Variants in EXOC6 observed in about 807,000 individuals in gnomAD.
The protein encoded by EXOC6 is exocyst complex component 6.
Under a neutral mutation model 112.5 loss-of-function variants are expected in EXOC6, and 60 were observed. The ratio of observed to expected loss-of-function variants is 0.53; its 90% CI spans 0.43 to 0.66. EXOC6 has a LOEUF of 0.66. Among genes scored for constraint, EXOC6 ranks in the 30% least tolerant of loss-of-function variants. EXOC6 has a pLI of 0.00. For synonymous variants in EXOC6, 295 were observed against 308.0 expected (o/e 0.96, Z 0.44); for missense variants, 855 against 957.1 (o/e 0.89, Z 1.41).
At chr10:92,846,775 CAT>C (rs1847066912), upstream of EXOC6, among the ~76,000 whole-genome samples, 3 of 152,150 alleles carry the variant, frequency 2.0e-5, no homozygotes, top group South Asian at 6.2e-4. Flanking sequence ...GGAACCTGTG[CAT>C]ATGTTATTTT....
chr10:92,986,778 A>G (rs1299988828), intron 18 of EXOC6, among the ~76,000 whole-genome samples: 1 of 150,828 alleles, frequency 6.6e-6, no homozygotes, highest in Non-Finnish European at 1.5e-5. Flanking sequence ...TACTTTAAGG[A>G]TAGTTTAATT....
At chr10:92,856,729 C>T (rs1847619738) in intron 1 of EXOC6, among the ~76,000 whole-genome samples, 1 of 152,144 alleles carries the variant, frequency 6.6e-6, no homozygotes, top group Non-Finnish European at 1.5e-5. Context: ...TTGTTCACGT[C>T]TCCTATTCCC....
chr10:92,907,825 T>C (rs1850528329), intron 5 of EXOC6, among the ~76,000 whole-genome samples: 1 of 152,154 alleles, frequency 6.6e-6, no homozygotes, highest in Admixed American at 6.5e-5. Context: ...ATCAAAATTA[T>C]TGTAATGACA....
chr10:92,881,317 T>C (rs1341353452), intron 1 of EXOC6, among the ~76,000 whole-genome samples: 1 of 152,196 alleles, frequency 6.6e-6, no homozygotes, highest in Non-Finnish European at 1.5e-5. Flanking sequence ...TCATATTCCA[T>C]TGGTGAAAGT....
intron 4 of EXOC6, among the ~76,000 whole-genome samples, chr10:92,896,453 T>TGG (rs201729850): frequency 0.015 from 2,238 of 150,986 alleles, 54 homozygotes; most frequent in African/African-American, 0.051. Context: ...TGCCTCGGCC[T>TGG]CCCAAAGTGC....
intron 1 of EXOC6, among the ~76,000 whole-genome samples, chr10:92,851,960 C>G (rs1045724145): frequency 6.6e-6 from 1 of 151,964 alleles, no homozygotes; most frequent in African/African-American, 2.4e-5. Context: ...CCCAGCTACT[C>G]GGGAGGCTAA....
In EXOC6 at chr10:92,974,160, A is replaced by G. The variant is rs778350540; in HGVS notation, c.1881A>G (p.Gly627=). Residue 627 remains glycine (G), a synonymous_variant, in exon 18 of 22, where the codon GGA becomes GGG. Coordinates refer to ENST00000260762, the MANE Select transcript of EXOC6 (RefSeq NM_019053.6). ...ACTGGACAATGTCTGAGCCAGATGG[A>G]AGAGCTAGTGGTTATTTAATGGACC... ...DYDWTMSEPD[G]RASGYLMDLI... is the part of the protein sequence containing the mutation. 3 of 1,602,082 alleles carry G rather than the reference A, an allele frequency of 1.9e-6. No individual in the cohort carries two copies. In the Admixed American group the frequency reaches 5.4e-5, roughly 29 times the overall value.
At chr10:92,965,077 T>G (rs1440531472) in intron 17 of EXOC6, among the ~76,000 whole-genome samples, 2 of 152,194 alleles carry the variant, frequency 1.3e-5, no homozygotes, top group Non-Finnish European at 2.9e-5. Context: ...CAGTTCAGTC[T>G]TACCCAAATG....
intron 7 of EXOC6, among the ~76,000 whole-genome samples, chr10:92,916,714 TG>T (rs1265819171): frequency 6.6e-6 from 1 of 152,222 alleles, no homozygotes; most frequent in Non-Finnish European, 1.5e-5. Context: ...GAGACCACCC[TG>T]GTCTGTGCAT....
intron 1 of EXOC6, among the ~76,000 whole-genome samples, chr10:92,888,763 T>A (rs1441531188): frequency 6.6e-6 from 1 of 152,208 alleles, no homozygotes; most frequent in African/African-American, 2.4e-5. Context: ...CATAAAAATT[T>A]GTTTATAGCA....
intron 1 of EXOC6, among the ~76,000 whole-genome samples, chr10:92,869,869 G>GT (rs200640628): frequency 0.01 from 1,555 of 151,520 alleles, 21 homozygotes; most frequent in South Asian, 0.044. Context: ...CAGTGGTTGA[G>GT]ACAGGGGGCA....
At chr10:92,843,976 C>CAAAAAA (rs34641974), upstream of EXOC6, among the ~76,000 whole-genome samples, 5 of 37,904 alleles carry the variant, frequency 1.3e-4, no homozygotes, top group Admixed American at 3.8e-4. Context: ...GACTCTGTCT[C>CAAAAAA]AAAAAAAAAA....
At chr10:92,987,350 T>G (rs1020516463) in intron 18 of EXOC6, among the ~76,000 whole-genome samples, 1 of 152,230 alleles carries the variant, frequency 6.6e-6, no homozygotes, top group Non-Finnish European at 1.5e-5. Flanking sequence ...TAATTCTGAC[T>G]AGACAACTTG....
chr10:92,878,425 CT>C, intron 1 of EXOC6: 1 of 152,324 alleles, frequency 6.6e-6, no homozygotes, highest in Non-Finnish European at 1.5e-5. Flanking sequence ...ATAGGCTCCC[CT>C]TTTTCCCATG....
intron 1 of EXOC6, among the ~76,000 whole-genome samples, chr10:92,867,031 A>G (rs531641739): frequency 1.2e-3 from 184 of 152,302 alleles, no homozygotes; most frequent in African/African-American, 4.3e-3. Flanking sequence ...TACTTAATGA[A>G]GAGGTAAAAG....
upstream of EXOC6, among the ~76,000 whole-genome samples, chr10:92,845,958 A>G (rs1847039543): frequency 6.6e-6 from 1 of 152,206 alleles, no homozygotes; most frequent in Non-Finnish European, 1.5e-5. Flanking sequence ...AACCAAACAA[A>G]CAAAACAAAT....
At chr10:92,973,352 T>TA (rs1279853383) in intron 17 of EXOC6, among the ~76,000 whole-genome samples, 1 of 152,256 alleles carries the variant, frequency 6.6e-6, no homozygotes, top group Non-Finnish European at 1.5e-5. Context: ...TAGGGCACAT[T>TA]AAAATGCTAC....
chr10:92,980,786 TTAATA>T (rs1161358504), intron 18 of EXOC6, among the ~76,000 whole-genome samples: 10 of 152,210 alleles, frequency 6.6e-5, no homozygotes, highest in Admixed American at 2.6e-4. Context: ...TTCCCTTCTT[TTAATA>T]ATTTTTTTCT....
intron 4 of EXOC6, among the ~76,000 whole-genome samples, chr10:92,896,193 T>A (rs1463495766): frequency 0.025 from 455 of 17,872 alleles, 18 homozygotes; most frequent in Non-Finnish European, 0.032. Context: ...TTTTTTTTTT[T>A]TTTTTTTTTT....
Sources: allele counts gnomAD v4.1 joint callset (sites outside exome capture counted in the v4.1 genomes callset), GRCh38; gene constraint gnomAD v4.1.1; transcripts MANE v1.5; gene names NCBI Gene and HGNC (gene_info 2026-07-23, HGNC 2026-07-21).